The following BRINP2 variants were observed in gnomAD, a reference collection of about 807,000 sequenced individuals.
The protein encoded by BRINP2 is BMP/retinoic acid inducible neural specific 2.
A neutral mutation model predicts 69.2 loss-of-function variants in BRINP2; 21 were observed. That is an observed-to-expected ratio of 0.30 (90% CI 0.22 to 0.44). BRINP2 has a LOEUF of 0.44. Ranked by LOEUF, BRINP2 falls within the 20% of genes least tolerant of loss-of-function variation. The pLI, the probability that BRINP2 is intolerant of heterozygous loss-of-function variation, is 1.00. For synonymous variants in BRINP2, 380 were observed against 394.1 expected (o/e 0.96, Z 0.42); for missense variants, 877 against 986.0 (o/e 0.89, Z 1.48).
chr1:177,263,294 T>A (rs561749953), intron 4 of BRINP2, among the ~76,000 whole-genome samples: 63 of 152,158 alleles, frequency 4.1e-4, no homozygotes, highest in Non-Finnish European at 7.8e-4. Context: ...GTAACTGCAT[T>A]CCCTATGTAA....
At chr1:177,248,797 GC>G (rs1051993938) in intron 2 of BRINP2, among the ~76,000 whole-genome samples, 1 of 152,202 alleles carries the variant, frequency 6.6e-6, no homozygotes, top group Non-Finnish European at 1.5e-5. Context: ...AGAATCAGTA[GC>G]TTGAGTCGGA....
chr1:177,278,532 G>A lies in BRINP2; in HGVS notation c.1013-31G>A, dbSNP rs146036300. On this transcript the variant is annotated intron_variant, in intron 6 of 7. Transcript: ENST00000361539. ...CTACCAGAGTTCTGCATAGCTACCC[G>A]TCAGCTCAGGTCCTGTGTTCTTGTC... 6.8e-5 allele frequency: 110 copies of A among 1,607,386 alleles called. No individual in the cohort carries two copies. The African/African-American group carries it at 1.0e-3, about 15-fold the overall frequency.
intron 1 of BRINP2, among the ~76,000 whole-genome samples, chr1:177,213,231 C>T (rs1649279392): frequency 1.3e-5 from 2 of 152,110 alleles, no homozygotes; most frequent in South Asian, 2.1e-4. Flanking sequence ...CAGCGTTTCT[C>T]GATCTTAGCA....
intron 1 of BRINP2, among the ~76,000 whole-genome samples, chr1:177,217,115 T>G: frequency 6.6e-6 from 1 of 152,182 alleles, no homozygotes; most frequent in East Asian, 1.9e-4. Context: ...TCTTTCTTTC[T>G]TTCCTCCTGG....
intron 1 of BRINP2, among the ~76,000 whole-genome samples, chr1:177,195,744 G>A (rs138297842): frequency 8.5e-4 from 129 of 152,062 alleles, no homozygotes; most frequent in African/African-American, 3.1e-3. Context: ...ACATCATTGA[G>A]CAGCCGGAGA....
At chr1:177,227,903 T>C (rs1485645332) in intron 1 of BRINP2, among the ~76,000 whole-genome samples, 1 of 152,218 alleles carries the variant, frequency 6.6e-6, no homozygotes, top group African/African-American at 2.4e-5. Flanking sequence ...TTATCATGTT[T>C]GAAGATCTGG....
intron 1 of BRINP2, among the ~76,000 whole-genome samples, chr1:177,190,721 A>T (rs1339473231): frequency 6.6e-6 from 1 of 152,184 alleles, no homozygotes; most frequent in Admixed American, 6.5e-5. Context: ...AGGCAAAGTG[A>T]TACACAGTTG....
At chr1:177,181,390 G>A (rs1648241470) in intron 1 of BRINP2, among the ~76,000 whole-genome samples, 1 of 152,210 alleles carries the variant, frequency 6.6e-6, no homozygotes, top group African/African-American at 2.4e-5. Context: ...CAGAACATCA[G>A]GCCCAGCGGC....
intron 3 of BRINP2, chr1:177,256,852 C>A: frequency 8.5e-7 from 1 of 1,178,746 alleles, no homozygotes; most frequent in South Asian, 1.8e-5. Context: ...GAAGACTCCT[C>A]GTAAACAACT....
rs759437536 is a variant in BRINP2 at position 177,229,935 on chromosome 1, C to T, written c.59C>T (p.Thr20Ile). The T allele has an allele frequency of 3.1e-6, 5 of 1,612,092 alleles. No individual in the cohort carries two copies. Among genetic ancestry groups the T allele is most frequent in the Non-Finnish European group, 4.2e-6 (5 of 1,178,852 alleles). Residue 20 changes from threonine (T) to isoleucine (I), a missense_variant, in exon 2 of 8, where the codon ACA (threonine) becomes ATA (isoleucine). Thr to Ile is a moderately conservative substitution (Grantham distance 89). This residue lies in a region of BRINP2 where 566 missense variants were observed against 625.2 expected (regional missense o/e 0.91). Transcript: ENST00000361539. ...CTTCGGCCGGCGGTGGCCCCATGGACAGCCCTGCTGGCACTGGGCCTGCCT... is the reference window on the plus strand; with the variant it reads ...CTTCGGCCGGCGGTGGCCCCATGGATAGCCCTGCTGGCACTGGGCCTGCCT... ...RGLRPAVAPW[T>I]ALLALGLPGW...
At chr1:177,191,550 G>T (rs1242374054) in intron 1 of BRINP2, among the ~76,000 whole-genome samples, 2 of 152,168 alleles carry the variant, frequency 1.3e-5, no homozygotes, top group Non-Finnish European at 2.9e-5. Context: ...TGCTTCCTGG[G>T]ATCAAGCGAT....
intron 4 of BRINP2, among the ~76,000 whole-genome samples, chr1:177,260,069 A>C (rs1558181216): frequency 6.6e-6 from 1 of 152,182 alleles, no homozygotes; most frequent in Non-Finnish European, 1.5e-5. Context: ...TAGAAATAAC[A>C]CTATTCTAGA....
intron 2 of BRINP2, among the ~76,000 whole-genome samples, chr1:177,254,932 C>T (rs1009786034): frequency 1.4e-4 from 21 of 152,152 alleles, no homozygotes; most frequent in African/African-American, 5.1e-4. Context: ...ATCTGCATAA[C>T]TTGGTGACCT....
chr1:177,266,121 A>AAATAATAATAAT (rs55687261), intron 4 of BRINP2, among the ~76,000 whole-genome samples: 23 of 148,028 alleles, frequency 1.6e-4, no homozygotes, highest in Admixed American at 4.0e-4. Flanking sequence ...CTCCATCTCA[A>AAATAATAATAAT]AATAATAATA....
At chr1:177,243,004 A>G (rs886804643) in intron 2 of BRINP2, among the ~76,000 whole-genome samples, 1 of 152,194 alleles carries the variant, frequency 6.6e-6, no homozygotes, top group South Asian at 2.1e-4. Context: ...TCTCATTAGT[A>G]ATATTGGTGG....
intron 3 of BRINP2, chr1:177,256,637 C>T (rs1650769230): frequency 1.6e-5 from 16 of 1,031,750 alleles, no homozygotes; most frequent in Non-Finnish European, 1.9e-5. Flanking sequence ...GGATCAAAAT[C>T]TCTGAAGATG....
intron 2 of BRINP2, among the ~76,000 whole-genome samples, chr1:177,244,524 G>A (rs1260418704): frequency 3.3e-5 from 5 of 152,152 alleles, no homozygotes; most frequent in Admixed American, 2.0e-4. Flanking sequence ...CAGCTACTCG[G>A]GAGGCTAAGG....
Position 177,280,531 on chromosome 1 carries a change from G to C in BRINP2, c.1355G>C (p.Cys452Ser). The change falls in exon 8 of 8, where the codon TGC (cysteine) becomes TCC (serine). Residue 452 changes from cysteine to serine, a missense_variant. This residue lies in a region of BRINP2 where 566 missense variants were observed against 625.2 expected (regional missense o/e 0.91). Transcript: ENST00000361539. ...SCTCPYDQSS[C>S]QGPIPCALGE... is the part of the protein sequence containing the mutation. ...ACCTGCCCCTATGACCAATCTTCCT[G>C]CCAGGGCCCCATCCCATGTGCCTTG... The C allele has an allele frequency of 6.2e-7, 1 of 1,614,194 alleles. No individual in the cohort carries two copies. Among genetic ancestry groups the C allele is most frequent in the Non-Finnish European group, 8.5e-7 (1 of 1,180,036 alleles).
intron 1 of BRINP2, among the ~76,000 whole-genome samples, chr1:177,212,843 G>T (rs1396082892): frequency 6.6e-6 from 1 of 152,092 alleles, no homozygotes; most frequent in Non-Finnish European, 1.5e-5. Flanking sequence ...TTTCTCCAAG[G>T]AGCACTAATT....
Sources: gnomAD v4.1 joint callset for allele counts (sites outside exome capture counted in the v4.1 genomes callset) on GRCh38, gnomAD v4.1.1 for gene constraint, gnomAD v4.1.1 regional missense constraint, MANE v1.5 for transcripts, NCBI Gene and HGNC (gene_info 2026-07-23, HGNC 2026-07-21) for gene names.